ZNF638: variants seen among roughly 807,000 people sequenced by gnomAD.
ZNF638 encodes zinc finger protein 638, also known as CTCL tumor antigen se33-1.
A neutral mutation model predicts 195.6 loss-of-function variants in ZNF638; 46 were observed. That is an observed-to-expected ratio of 0.24 (90% CI 0.19 to 0.30). The LOEUF (loss-of-function observed/expected upper bound fraction) is 0.30. ZNF638 is among the 10% of genes least tolerant of loss of function. The probability of loss-of-function intolerance (pLI) is 1.00; values close to 1 mark genes in which losing one functional copy is unlikely to be tolerated. For synonymous variants in ZNF638, 845 were observed against 772.0 expected, an observed-to-expected ratio of 1.09 and a Z score of -1.57; for missense variants, 2,440 against 2,325.3, an observed-to-expected ratio of 1.05 and a Z score of -1.01.
At chr2:71,402,238 T>C (rs2080021406) in intron 16 of ZNF638, 151 bp downstream of exon 16, 3 of 756,366 alleles carry the variant, frequency 4.0e-6, no homozygotes, top group South Asian at 2.8e-5. Flanking sequence ...AACACAGATA[T>C]CCTGTATTTT....
At chr2:71,396,311 C>T (rs1274692053) in intron 11 of ZNF638, 120 bp downstream of exon 11, 1 of 733,852 alleles carries the variant, frequency 1.4e-6, no homozygotes, top group Non-Finnish European at 2.2e-6. Context: ...GCATGCTAAT[C>T]TTTGAGATTT....
rs377659718 is a variant in ZNF638 at position 71,336,648 on chromosome 2, G to A, written c.-203+4773G>A. 3.3e-5 allele frequency among the ~76,000 whole-genome samples: 5 copies of A among 152,118 alleles called. No individual in the cohort carries two copies. The South Asian group carries it at 6.2e-4, about 19-fold the overall frequency. ...AGCAGCATTCCCAATGGGTACTGTT[G>A]TTTCATTTTCACAGGATGAAACAGG... On this transcript the variant is annotated intron_variant, in intron 1 of 27. Coordinates refer to ENST00000264447, the MANE Select transcript of ZNF638 (RefSeq NM_014497.5).
At position 71,423,651 on chromosome 2, in the gene ZNF638, T is replaced by G; in HGVS notation, c.4137T>G (p.Thr1379=). 1.2e-6 allele frequency: 2 copies of G among 1,613,760 alleles called. No individual in the cohort carries two copies. The highest frequency in any genetic ancestry group is 1.7e-6 in the Non-Finnish European group (2 of 1,179,984). The change falls in exon 22 of 28, where the codon ACT becomes ACG. Residue 1379 remains threonine, a synonymous_variant. Coordinates refer to ENST00000264447, the MANE Select transcript of ZNF638 (RefSeq NM_014497.5). ...ATAAGCCTGATGAAACTAGTAAAAC[T>G]AGTATTCTGGCTGTATCAGATGTAT... ...QANKPDETSK[T]SILAVSDVSS...
In ZNF638 at chr2:71,350,248, A is replaced by G; in HGVS notation, c.1294A>G (p.Asn432Asp). 6.2e-7 allele frequency: 1 copy of G among 1,601,748 alleles called. No individual in the cohort carries two copies. The highest frequency in any genetic ancestry group is 8.5e-7 in the Non-Finnish European group (1 of 1,179,768). Reference protein sequence around the residue: ...RIFPHLCSLCNVECSHLKDWI... With the variant: ...RIFPHLCSLCDVECSHLKDWI... ...ATTTCCACATTTGTGTTCTCTGTGT[A>G]ACGTAGAATGTAGTCATTTGAAGGT... Residue 432 changes from asparagine to aspartate, a missense_variant, in exon 2 of 28, where the codon AAC becomes GAC. Coordinates refer to ENST00000264447, the MANE Select transcript of ZNF638 (RefSeq NM_014497.5).
At chr2:71,397,263 C>G (rs894999272) in intron 11 of ZNF638, among the ~76,000 whole-genome samples, 2 of 152,088 alleles carry the variant, frequency 1.3e-5, no homozygotes, top group African/African-American at 4.8e-5. Context: ...TCCTTAAGTC[C>G]CAGTACCCAG....
intron 20 of ZNF638, among the ~76,000 whole-genome samples, chr2:71,409,040 C>G (rs776335373): frequency 6.6e-6 from 1 of 152,054 alleles, no homozygotes; most frequent in South Asian, 2.1e-4. Flanking sequence ...ATTTTTCAAG[C>G]TGTTATTCAG....
At chr2:71,432,464 GT>G (rs912358088) in intron 26 of ZNF638, among the ~76,000 whole-genome samples, 6 of 152,210 alleles carry the variant, frequency 3.9e-5, no homozygotes, top group African/African-American at 1.4e-4. Context: ...GCCTCCCAAA[GT>G]GCTGGGATTA....
intron 12 of ZNF638, 143 bp from the exon 13 acceptor site, chr2:71,399,416 C>A: frequency 1.6e-6 from 1 of 623,108 alleles, no homozygotes; most frequent in Non-Finnish European, 2.8e-6. Flanking sequence ...GAAAGAGGTA[C>A]TGAAAATAAA....
At chr2:71,404,180 A>T (rs555720457) in intron 17 of ZNF638, among the ~76,000 whole-genome samples, 182 bp downstream of exon 17, 1 of 152,340 alleles carries the variant, frequency 6.6e-6, no homozygotes, top group African/African-American at 2.4e-5. Flanking sequence ...AGTTACTTTC[A>T]TAGTGAGGGA....
chr2:71,342,218 CAAA>C (rs70959232), intron 1 of ZNF638, among the ~76,000 whole-genome samples: 1 of 99,288 alleles, frequency 1.0e-5, no homozygotes, highest in African/African-American at 3.9e-5. Flanking sequence ...GACTCTGTCT[CAAA>C]AAAAAAAAAA....
At chr2:71,420,767 A>C (rs564206794) in intron 21 of ZNF638, among the ~76,000 whole-genome samples, 5 of 152,350 alleles carry the variant, frequency 3.3e-5, no homozygotes, top group African/African-American at 1.2e-4. Flanking sequence ...TTGACATTTC[A>C]AACTGTCTTT....
intron 24 of ZNF638, 64 bp from the exon 25 acceptor site, chr2:71,428,483 T>C (rs2080586035): frequency 4.2e-6 from 6 of 1,430,300 alleles, no homozygotes; most frequent in Non-Finnish European, 5.8e-6. Context: ...CAGTATAATA[T>C]GTTTAATTTA....
chr2:71,417,297 C>T (rs1173346705), intron 20 of ZNF638, among the ~76,000 whole-genome samples: 2 of 151,182 alleles, frequency 1.3e-5, no homozygotes, highest in Non-Finnish European at 2.9e-5. Flanking sequence ...TGACCCCTTG[C>T]GCTTCCCAGG....
intron 21 of ZNF638, among the ~76,000 whole-genome samples, chr2:71,419,445 T>C (rs1286277093): frequency 6.6e-6 from 1 of 152,232 alleles, no homozygotes; most frequent in Non-Finnish European, 1.5e-5. Flanking sequence ...GATGCACTGA[T>C]GTTAAGATCC....
chr2:71,344,376 A>G (rs1351551408), intron 1 of ZNF638, among the ~76,000 whole-genome samples: 7 of 152,220 alleles, frequency 4.6e-5, no homozygotes, highest in Admixed American at 4.6e-4. Flanking sequence ...GCAAGCTTTT[A>G]TAATTGCAGA....
At chr2:71,355,815 T>C (rs1463783369) in intron 3 of ZNF638, 35 bp downstream of exon 3, 4 of 1,313,558 alleles carry the variant, frequency 3.0e-6, no homozygotes, top group Non-Finnish European at 3.2e-6. Context: ...ATAGATAGCA[T>C]ATTTACAAAA....
chr2:71,354,876 C>T (rs200975362), intron 2 of ZNF638, among the ~76,000 whole-genome samples: 1 of 152,020 alleles, frequency 6.6e-6, no homozygotes, highest in East Asian at 1.9e-4. Context: ...GCATTTTTCC[C>T]CATGTTTTTC....
chr2:71,399,529 T>C, intron 12 of ZNF638, 30 bp from the exon 13 acceptor site: 2 of 1,520,070 alleles, frequency 1.3e-6, no homozygotes, highest in Non-Finnish European at 1.8e-6. Context: ...ACAAGACCTT[T>C]AGAATAATGG....
chr2:71,362,597 C>T (rs559970463), intron 3 of ZNF638, among the ~76,000 whole-genome samples: 40 of 152,262 alleles, frequency 2.6e-4, no homozygotes, highest in Admixed American at 2.4e-3. Context: ...AACAAAACAC[C>T]GATGTTTTGC....
Sources: allele counts gnomAD v4.1 joint callset (sites outside exome capture counted in the v4.1 genomes callset), GRCh38; gene constraint gnomAD v4.1.1; transcripts MANE v1.5; gene names NCBI Gene and HGNC (gene_info 2026-07-23, HGNC 2026-07-21).